The following GPC5 variants were observed in gnomAD, a reference collection of about 807,000 sequenced individuals.
GPC5 encodes the protein glypican-5.
In GPC5, 47 loss-of-function variants were observed where a neutral mutation model predicts 53.9. That is an observed-to-expected ratio of 0.87 (90% CI 0.69 to 1.11). GPC5 has a LOEUF of 1.11. GPC5 is among the 50% of genes most tolerant of loss of function. The pLI is 0.00. For missense variants in GPC5, 748 were observed against 713.1 expected, an observed-to-expected ratio of 1.05 and a Z score of -0.56; for synonymous variants, 286 against 263.3, an observed-to-expected ratio of 1.09 and a Z score of -0.84.
intron 6 of GPC5, among the ~76,000 whole-genome samples, chr13:92,119,711 A>C (rs2041633088): frequency 6.6e-6 from 1 of 151,314 alleles, no homozygotes; most frequent in Non-Finnish European, 1.5e-5. Flanking sequence ...TTTTAAAACT[A>C]GCTCTTTGTT....
Position 91,540,415 on chromosome 13 carries a change from A to AT in GPC5, c.325+91498dup, listed in dbSNP as rs200904130. ...TATGTAAATTTTATACAAGAGGCAC[A>AT]TTTTTAGTGGGAAAATACCTTAATT... On this transcript the variant is annotated intron_variant, in intron 2 of 7. Transcript: ENST00000377067. Among the ~76,000 whole-genome samples, 1,061 of 152,312 alleles carry AT rather than the reference A, an allele frequency of 7.0e-3. 6 individuals are homozygous for AT. Among genetic ancestry groups the AT allele is most frequent in the Middle Eastern group, 0.017 (5 of 294 alleles).
At chr13:92,514,916 C>A (rs1475016855) in intron 7 of GPC5, among the ~76,000 whole-genome samples, 2 of 152,162 alleles carry the variant, frequency 1.3e-5, no homozygotes, top group Non-Finnish European at 2.9e-5. Context: ...ATTTCATGCA[C>A]CGTCATTGAC....
At chr13:92,385,804 TATATATATACAC>T (rs1874686429) in intron 7 of GPC5, among the ~76,000 whole-genome samples, 8 of 22,732 alleles carry the variant, frequency 3.5e-4, no homozygotes, top group African/African-American at 2.0e-3. Context: ...CATATATACG[TATATATATACAC>T]GTGTATATAT....
At chr13:92,122,571 C>G (rs2138947134) in intron 6 of GPC5, among the ~76,000 whole-genome samples, 2 of 151,942 alleles carry the variant, frequency 1.3e-5, no homozygotes, top group African/African-American at 2.4e-5. Context: ...CTCAAAACTT[C>G]CCTGTAAATG....
chr13:92,253,253 C>T lies in GPC5; in HGVS notation c.1561+108264C>T, dbSNP rs1163846767. On this transcript the variant is annotated intron_variant, in intron 7 of 7. Transcript: ENST00000377067. ...GAAAAGAGTGAGCGTTTTAACCAGA[C>T]TAGACAACTGTGGACTGGGAAAGAT... is the stretch of plus-strand genomic sequence containing the variant. 1.3e-5 allele frequency among the ~76,000 whole-genome samples: 2 copies of T among 151,998 alleles called. 1 individual carries two copies. Among genetic ancestry groups the T allele is most frequent in the Non-Finnish European group, 2.9e-5 (2 of 67,992 alleles).
At chr13:92,668,326 A>C (rs900780552) in intron 7 of GPC5, among the ~76,000 whole-genome samples, 1 of 152,174 alleles carries the variant, frequency 6.6e-6, no homozygotes, top group Non-Finnish European at 1.5e-5. Context: ...TGCATAACAG[A>C]AATGGGAAGA....
intron 3 of GPC5, among the ~76,000 whole-genome samples, chr13:91,710,464 T>C (rs932669431): frequency 6.6e-6 from 1 of 152,250 alleles, no homozygotes; most frequent in Non-Finnish European, 1.5e-5. Flanking sequence ...TCAAAAATCC[T>C]GCTTATCAAA....
chr13:92,012,371 AT>A (rs2040669193), intron 6 of GPC5, among the ~76,000 whole-genome samples: 1 of 152,178 alleles, frequency 6.6e-6, no homozygotes, highest in South Asian at 2.1e-4. Flanking sequence ...AAAGGAAAAC[AT>A]TTTTATCTCC....
intron 7 of GPC5, among the ~76,000 whole-genome samples, chr13:92,515,058 A>G (rs1880719000): frequency 6.6e-6 from 1 of 152,238 alleles, no homozygotes; most frequent in South Asian, 2.1e-4. Context: ...CTGGAGGATA[A>G]GTATGCAATA....
intron 7 of GPC5, among the ~76,000 whole-genome samples, chr13:92,523,951 A>G (rs1411013659): frequency 6.6e-6 from 1 of 152,116 alleles, no homozygotes; most frequent in Non-Finnish European, 1.5e-5. Context: ...AAAATTGCTA[A>G]CAATCATCTG....
At chr13:92,856,090 C>T (rs1471900171) in intron 7 of GPC5, among the ~76,000 whole-genome samples, 5 of 151,950 alleles carry the variant, frequency 3.3e-5, no homozygotes, top group Admixed American at 6.6e-5. Flanking sequence ...CCCTGATGAA[C>T]ATAGATGCAA....
At chr13:92,596,619 G>T (rs55857151) in intron 7 of GPC5, among the ~76,000 whole-genome samples, 1 of 152,046 alleles carries the variant, frequency 6.6e-6, no homozygotes, top group East Asian at 1.9e-4. Flanking sequence ...GACAACATGC[G>T]CACGCCACCA....
chr13:91,930,450 A>T (rs1391982251), intron 6 of GPC5, among the ~76,000 whole-genome samples: 3 of 152,184 alleles, frequency 2.0e-5, no homozygotes, highest in South Asian at 4.1e-4. Flanking sequence ...ATTTTATTTT[A>T]GTCTAAAATT....
intron 7 of GPC5, among the ~76,000 whole-genome samples, chr13:92,310,011 T>C (rs901691997): frequency 3.3e-5 from 5 of 152,144 alleles, no homozygotes; most frequent in African/African-American, 1.2e-4. Context: ...TATTTGCCTG[T>C]CTGAATCTGG....
intron 7 of GPC5, among the ~76,000 whole-genome samples, chr13:92,328,061 C>G (rs2043264151): frequency 6.6e-6 from 1 of 152,176 alleles, no homozygotes; most frequent in African/African-American, 2.4e-5. Flanking sequence ...TTTGCGTACA[C>G]CTCTTGTGGC....
rs1188161805 is a variant in GPC5, at chr13:91,645,172, G to C, written c.326-48015G>C. Among the ~76,000 whole-genome samples the C allele has an allele frequency of 2.0e-5, 3 of 152,140 alleles. No individual in the cohort carries two copies. In the East Asian group the frequency reaches 5.8e-4, roughly 29 times the overall value. ...ACATCTAGAAGAAGCTCTTTCAACA[G>C]GTACTTCAGGGACTCAAATTTTCTC... On this transcript the variant is annotated intron_variant, in intron 2 of 7. Transcript: ENST00000377067.
intron 7 of GPC5, among the ~76,000 whole-genome samples, chr13:92,312,413 T>C (rs1346903352): frequency 1.3e-5 from 2 of 152,182 alleles, no homozygotes; most frequent in Non-Finnish European, 2.9e-5. Flanking sequence ...CATAATATTC[T>C]GAAAAGATAA....
chr13:91,906,933 AT>A (rs2039558841), intron 5 of GPC5, among the ~76,000 whole-genome samples: 1 of 151,304 alleles, frequency 6.6e-6, no homozygotes, highest in African/African-American at 2.4e-5. Flanking sequence ...GATTATTTAA[AT>A]TTGTACAGTT....
intron 6 of GPC5, among the ~76,000 whole-genome samples, chr13:92,122,484 A>T (rs1166803851): frequency 6.6e-6 from 1 of 151,582 alleles, no homozygotes; most frequent in Non-Finnish European, 1.5e-5. Context: ...GCTTATCCTA[A>T]CGCCTTAGAA....
Sources: allele counts gnomAD v4.1 joint callset (sites outside exome capture counted in the v4.1 genomes callset), GRCh38; gene constraint gnomAD v4.1.1; transcripts MANE v1.5; gene names NCBI Gene and HGNC (gene_info 2026-07-23, HGNC 2026-07-21).